PUM1: variants seen among roughly 807,000 people sequenced by gnomAD.
The protein encoded by PUM1 is pumilio homolog 1.
A neutral mutation model predicts 131.8 loss-of-function variants in PUM1; 13 were observed. The ratio of observed to expected loss-of-function variants is 0.10; its 90% CI spans 0.06 to 0.16. PUM1 has a LOEUF of 0.16. Among genes scored for constraint, PUM1 ranks in the 10% least tolerant of loss-of-function variants. The pLI is 1.00. For missense variants in PUM1, 961 were observed against 1,512.4 expected (o/e 0.64, Z 6.05); for synonymous variants, 509 against 556.5 (o/e 0.91, Z 1.20).
chr1:30,979,903 C>T (rs1641292475), intron 9 of PUM1, among the ~76,000 whole-genome samples, 159 bp downstream of exon 9: 1 of 152,176 alleles, frequency 6.6e-6, no homozygotes, highest in Admixed American at 6.5e-5. Flanking sequence ...GCCTATGATA[C>T]AGCTACGGAG....
intron 7 of PUM1, among the ~76,000 whole-genome samples, chr1:30,981,697 CAT>C (rs1553148004): frequency 3.8e-4 from 53 of 139,312 alleles, no homozygotes; most frequent in African/African-American, 1.1e-3. Flanking sequence ...CACACACACA[CAT>C]ATGAGATATC....
chr1:30,938,851 C>T (rs1198192825), intron 20 of PUM1, among the ~76,000 whole-genome samples: 1 of 151,652 alleles, frequency 6.6e-6, no homozygotes, highest in Non-Finnish European at 1.5e-5. Flanking sequence ...GGCGACAGAG[C>T]GAGACTCCAT....
chr1:31,030,604 C>T (rs758477789), intron 2 of PUM1, among the ~76,000 whole-genome samples: 2 of 151,858 alleles, frequency 1.3e-5, no homozygotes, highest in Non-Finnish European at 2.9e-5. Flanking sequence ...CCAGCTACTC[C>T]GGAGGCTGAG....
chr1:31,038,982 A>ATT (rs1172043445), intron 2 of PUM1, among the ~76,000 whole-genome samples: 1 of 27,978 alleles, frequency 3.6e-5, no homozygotes, highest in Non-Finnish European at 5.7e-5. Flanking sequence ...ATATATATAT[A>ATT]TATTTTTTTT....
Position 30,961,501 on chromosome 1 carries a change from G to A in PUM1, c.2323+3173C>T, listed in dbSNP as rs182534077. 5.2e-3 allele frequency among the ~76,000 whole-genome samples: 794 copies of A among 152,110 alleles called. 6 individuals carry two copies. The highest frequency in any genetic ancestry group is 0.018 in the African/African-American group (734 of 41,474). ...ATAGCACCACTGCATTCCAGTCTGG[G>A]CAACAGAGCAAGACCCTGTCCCAAA... On this transcript the variant is annotated intron_variant, in intron 14 of 21. Coordinates refer to ENST00000426105, the MANE Select transcript of PUM1 (RefSeq NM_001020658.2).
chr1:30,941,967 T>C, intron 19 of PUM1, 31 bp downstream of exon 19: 1 of 1,523,758 alleles, frequency 6.6e-7, no homozygotes, highest in Non-Finnish European at 8.9e-7. Flanking sequence ...CCCACAGGTG[T>C]TCGCAGTTCC....
chr1:30,972,593 G>A (rs185770193), intron 10 of PUM1, among the ~76,000 whole-genome samples: 1 of 150,112 alleles, frequency 6.7e-6, no homozygotes, highest in Admixed American at 6.7e-5. Flanking sequence ...GGCCACCATG[G>A]TGAAATCCCA....
chr1:30,996,739 C>T (rs1179934230), intron 5 of PUM1, among the ~76,000 whole-genome samples: 3 of 152,200 alleles, frequency 2.0e-5, no homozygotes, highest in African/African-American at 7.2e-5. Context: ...TTATGCACCA[C>T]ATTGAGATTC....
intron 3 of PUM1, 162 bp downstream of exon 3, chr1:31,028,634 G>C (rs550160992): frequency 1.5e-6 from 1 of 678,206 alleles, no homozygotes; most frequent in Non-Finnish European, 2.6e-6. Flanking sequence ...TAATGACATA[G>C]TTTTGGCAAA....
At chr1:31,007,441 A>G (rs140786787) in intron 3 of PUM1, among the ~76,000 whole-genome samples, 113 of 152,326 alleles carry the variant, frequency 7.4e-4, no homozygotes, top group African/African-American at 2.6e-3. Flanking sequence ...CTAACTACTA[A>G]GTGGACTCTT....
chr1:31,052,265 G>T (rs935385228), intron 2 of PUM1, among the ~76,000 whole-genome samples: 9 of 152,094 alleles, frequency 5.9e-5, no homozygotes, highest in African/African-American at 1.9e-4. Context: ...GCCTGCCTCG[G>T]CCTCCCAAAG....
Position 30,933,484 on chromosome 1 carries a change from A to ACC in PUM1, c.3436-144_3436-143dup, listed in dbSNP as rs1553142852. ...CACACACACACACACACACACACAC[A>ACC]CCCCTACAGCAATACCTTTCACTGG... On this transcript the variant is annotated intron_variant, in intron 21 of 21. Coordinates refer to ENST00000426105, the MANE Select transcript of PUM1 (RefSeq NM_001020658.2). 4.1e-3 allele frequency: 2,933 copies of ACC among 711,700 alleles called. 21 individuals carry two copies. Among genetic ancestry groups the ACC allele is most frequent in the Middle Eastern group, 5.0e-3 (12 of 2,416 alleles). The allele number at this position is 711,700 out of a possible 1,614,324, so 44.1% of individuals were successfully genotyped here.
At chr1:31,038,984 A>ATATATATATATATTT in intron 2 of PUM1, among the ~76,000 whole-genome samples, 7 of 49,412 alleles carry the variant, frequency 1.4e-4, no homozygotes, top group African/African-American at 1.2e-3. Flanking sequence ...ATATATATAT[A>ATATATATATATATTT]TTTTTTTTTT....
chr1:30,970,608 G>A (rs1035595901), intron 10 of PUM1, among the ~76,000 whole-genome samples: 1 of 152,138 alleles, frequency 6.6e-6, no homozygotes, highest in African/African-American at 2.4e-5. Flanking sequence ...TCGGGGGGCT[G>A]TACAGGTGAG....
chr1:30,950,020 A>G, intron 17 of PUM1, 107 bp downstream of exon 17: 4 of 1,329,828 alleles, frequency 3.0e-6, no homozygotes, highest in Non-Finnish European at 3.1e-6. Flanking sequence ...ATAAGCAACA[A>G]TGCAAAACCA....
At chr1:30,945,297 C>T (rs1484747731) in intron 18 of PUM1, 49 bp downstream of exon 18, 3 of 1,599,014 alleles carry the variant, frequency 1.9e-6, no homozygotes, top group Non-Finnish European at 2.6e-6. Context: ...GTTTTCTGCT[C>T]ACAAAGGAAA....
intron 2 of PUM1, among the ~76,000 whole-genome samples, 176 bp downstream of exon 2, chr1:31,059,028 G>C (rs1157958606): frequency 6.6e-6 from 1 of 152,178 alleles, no homozygotes; most frequent in Non-Finnish European, 1.5e-5. Context: ...TTTAGCACCA[G>C]AATGATAAAT....
In PUM1 at chr1:31,028,817, C is replaced by G; in HGVS notation, c.411G>C (p.Leu137=). 4 of 1,613,928 alleles carry G rather than the reference C, an allele frequency of 2.5e-6. No individual in the cohort carries two copies. Among genetic ancestry groups the G allele is most frequent in the Non-Finnish European group, 3.4e-6 (4 of 1,179,816 alleles). Residue 137 remains leucine (L), a synonymous_variant, in exon 3 of 22, where the codon CTG becomes CTC. Transcript: ENST00000426105. ...ELNHDFQALA[L]EGRAMGEQLL... ...TTACCTCTCCCATCGCTCTTCCCTC[C>G]AGAGCAAGTGCTTGAAAATCATGAT...
At chr1:31,028,919 A>G (rs1438704847) in intron 2 of PUM1, 55 bp from the exon 3 acceptor site, 4 of 1,346,520 alleles carry the variant, frequency 3.0e-6, no homozygotes, top group Non-Finnish European at 4.3e-6. Context: ...TGAATTTTAC[A>G]TACACATTAC....
Sources: allele counts gnomAD v4.1 joint callset (sites outside exome capture counted in the v4.1 genomes callset), GRCh38; gene constraint gnomAD v4.1.1; transcripts MANE v1.5; gene names NCBI Gene and HGNC (gene_info 2026-07-23, HGNC 2026-07-21).